WWOX: variants seen among roughly 807,000 people sequenced by gnomAD.
WWOX encodes the protein WW domain-containing oxidoreductase.
A neutral mutation model predicts 46.2 loss-of-function variants in WWOX; 69 were observed. That is an observed-to-expected ratio of 1.49 (90% CI 1.23 to 1.82). The LOEUF (loss-of-function observed/expected upper bound fraction) is 1.82. WWOX is among the 40% of genes most tolerant of loss of function. WWOX has a pLI of 0.00. For synonymous variants in WWOX, 359 were observed against 202.6 expected (o/e 1.77, Z -6.56); for missense variants, 919 against 542.6 (o/e 1.69, Z -6.89).
At chr16:78,838,824 C>T (rs540123286) in intron 8 of WWOX, among the ~76,000 whole-genome samples, 1 of 152,202 alleles carries the variant, frequency 6.6e-6, no homozygotes, top group Non-Finnish European at 1.5e-5. Flanking sequence ...GCCTGGGCAA[C>T]AGAGTGGTAC....
chr16:78,115,174 A>G lies in WWOX; in HGVS notation c.409+20A>G. The G allele has an allele frequency of 6.2e-7, 1 of 1,614,078 alleles. No individual in the cohort carries two copies. Among genetic ancestry groups the G allele is most frequent in the Non-Finnish European group, 8.5e-7 (1 of 1,179,930 alleles). ...GAATAGGTAGGCTCTTCACTTAGTT[A>G]TTTATCTTTGGGACTGCTATAATGA... On this transcript the variant is annotated intron_variant, in intron 4 of 8. Transcript: ENST00000566780.
chr16:78,132,175 C>T (rs571427283), intron 4 of WWOX, among the ~76,000 whole-genome samples: 2 of 151,918 alleles, frequency 1.3e-5, no homozygotes, highest in East Asian at 1.9e-4. Flanking sequence ...CAGGTGCCCG[C>T]CACCACGCCC....
rs1168725677 is a variant in WWOX, at chr16:79,027,092, C to T, written c.1057-184516C>T. On this transcript the variant is annotated intron_variant, in intron 8 of 8. Transcript: ENST00000566780. Reference sequence around the variant, plus strand: ...CCCAGCAGTTCAAGACCAGCCTTGGCAACATGGTGAGACCCCATCTCTACA... The same window carrying T: ...CCCAGCAGTTCAAGACCAGCCTTGGTAACATGGTGAGACCCCATCTCTACA... 3.3e-5 allele frequency among the ~76,000 whole-genome samples: 5 copies of T among 151,354 alleles called. 1 individual carries two copies. Among genetic ancestry groups the T allele is most frequent in the African/African-American group, 1.2e-4 (5 of 40,858 alleles).
At chr16:78,793,809 C>T (rs1230454768) in intron 8 of WWOX, among the ~76,000 whole-genome samples, 2 of 151,864 alleles carry the variant, frequency 1.3e-5, no homozygotes, top group African/African-American at 4.8e-5. Flanking sequence ...GGCAAGGTGG[C>T]TCACGTCTGT....
chr16:79,126,312 T>G (rs774663699), intron 8 of WWOX, among the ~76,000 whole-genome samples: 1 of 152,136 alleles, frequency 6.6e-6, no homozygotes, highest in Non-Finnish European at 1.5e-5. Context: ...GCTGATCAAG[T>G]GATATGATTT....
chr16:78,743,567 A>G (rs528399972), intron 8 of WWOX, among the ~76,000 whole-genome samples: 2 of 152,138 alleles, frequency 1.3e-5, no homozygotes, highest in African/African-American at 4.8e-5. Flanking sequence ...GAAAACACCA[A>G]CTTTCCACAA....
At chr16:79,058,669 A>G (rs1597334726) in intron 8 of WWOX, among the ~76,000 whole-genome samples, 1 of 152,228 alleles carries the variant, frequency 6.6e-6, no homozygotes, top group Non-Finnish European at 1.5e-5. Flanking sequence ...TAATCAATCA[A>G]CTAGTCCTTA....
intron 8 of WWOX, among the ~76,000 whole-genome samples, chr16:78,600,247 T>G (rs920786121): frequency 6.6e-6 from 1 of 151,924 alleles, no homozygotes; most frequent in East Asian, 1.9e-4. Context: ...GAGCGACAGT[T>G]CAAGATGAGA....
At chr16:78,387,604 GAGAC>G (rs2082087096) in intron 6 of WWOX, among the ~76,000 whole-genome samples, 1 of 148,880 alleles carries the variant, frequency 6.7e-6, no homozygotes, top group African/African-American at 2.4e-5. Flanking sequence ...GGGAGACAGA[GAGAC>G]AGACAGGAGG....
intron 5 of WWOX, among the ~76,000 whole-genome samples, chr16:78,171,877 T>C (rs2035174145): frequency 6.6e-6 from 1 of 152,222 alleles, no homozygotes; most frequent in African/African-American, 2.4e-5. Flanking sequence ...TTGGGGCGTT[T>C]GCAAAATGTC....
chr16:78,144,585 G>C (rs1420983288), intron 4 of WWOX, among the ~76,000 whole-genome samples: 1 of 139,716 alleles, frequency 7.2e-6, no homozygotes, highest in Non-Finnish European at 1.5e-5. Flanking sequence ...ACAGTGGCGC[G>C]ATCTGAGCTC....
At chr16:79,142,269 G>T (rs2050104310) in intron 8 of WWOX, among the ~76,000 whole-genome samples, 1 of 152,094 alleles carries the variant, frequency 6.6e-6, no homozygotes, top group Non-Finnish European at 1.5e-5. Flanking sequence ...GGTAGTGACG[G>T]GTGCCTCCAA....
At chr16:78,930,764 G>A (rs1167599446) in intron 8 of WWOX, among the ~76,000 whole-genome samples, 3 of 152,124 alleles carry the variant, frequency 2.0e-5, no homozygotes, top group Non-Finnish European at 4.4e-5. Flanking sequence ...GTCCTGGCAA[G>A]GTTCCACGGC....
chr16:78,925,536 G>A (rs1256331585), intron 8 of WWOX, among the ~76,000 whole-genome samples: 5 of 152,194 alleles, frequency 3.3e-5, no homozygotes, highest in African/African-American at 9.7e-5. Flanking sequence ...GTTGTTTTCT[G>A]CTTCTTTCCA....
chr16:79,038,768 T>G (rs992175757), intron 8 of WWOX, among the ~76,000 whole-genome samples: 6 of 152,178 alleles, frequency 3.9e-5, no homozygotes, highest in Non-Finnish European at 5.9e-5. Context: ...CAGACTGCTC[T>G]TGAATTCCTA....
At chr16:78,754,346 A>C (rs1178734115) in intron 8 of WWOX, among the ~76,000 whole-genome samples, 2 of 152,100 alleles carry the variant, frequency 1.3e-5, no homozygotes, top group Non-Finnish European at 1.5e-5. Context: ...TCAGTGTGCA[A>C]GTTAGTATGT....
intron 5 of WWOX, among the ~76,000 whole-genome samples, chr16:78,303,520 T>C (rs2080079641): frequency 6.6e-6 from 1 of 152,076 alleles, no homozygotes; most frequent in Admixed American, 6.6e-5. Context: ...TCTTTCGTTT[T>C]TGTTTTTTGT....
At chr16:78,654,659 G>C (rs187199414) in intron 8 of WWOX, among the ~76,000 whole-genome samples, 181 of 151,782 alleles carry the variant, frequency 1.2e-3, no homozygotes, top group African/African-American at 3.5e-3. Flanking sequence ...CTCTCTCTCT[G>C]TGTGTATGTG....
At chr16:79,074,160 C>T (rs1286227705) in intron 8 of WWOX, among the ~76,000 whole-genome samples, 1 of 152,050 alleles carries the variant, frequency 6.6e-6, no homozygotes, top group Non-Finnish European at 1.5e-5. Context: ...GAGCAGGCAA[C>T]TCCGACCCCA....
Sources: gnomAD v4.1 joint callset for allele counts (sites outside exome capture counted in the v4.1 genomes callset) on GRCh38, gnomAD v4.1.1 for gene constraint, MANE v1.5 for transcripts, NCBI Gene and HGNC (gene_info 2026-07-23, HGNC 2026-07-21) for gene names.